FBXO31: variants seen among roughly 807,000 people sequenced by gnomAD.
FBXO31 encodes F-box only protein 31.
In FBXO31, 24 loss-of-function variants were observed where a neutral mutation model predicts 54.4. The observed-to-expected ratio is 0.44, with a 90% CI of 0.32 to 0.62. The LOEUF is 0.62. Ranked by LOEUF, FBXO31 falls within the 20% of genes least tolerant of loss-of-function variation. The pLI is 0.05. For synonymous variants in FBXO31, 388 were observed against 335.6 expected, an observed-to-expected ratio of 1.16 and a Z score of -1.71; for missense variants, 665 against 787.1, an observed-to-expected ratio of 0.84 and a Z score of 1.86.
intron 1 of FBXO31, among the ~76,000 whole-genome samples, chr16:87,373,676 G>T (rs535493209): frequency 6.6e-6 from 1 of 152,080 alleles, no homozygotes; most frequent in African/African-American, 2.4e-5. Flanking sequence ...GGGACTACAG[G>T]TGTGCACCAC....
Position 87,359,874 on chromosome 16 carries a change from G to A in FBXO31, c.412+421C>T, listed in dbSNP as rs116953500. On this transcript the variant is annotated intron_variant, in intron 2 of 8. Coordinates refer to ENST00000311635, the MANE Select transcript of FBXO31 (RefSeq NM_024735.5). ...CTGCTCACAGAATGCTAAAGGGAAG[G>A]AGAACTCTAGCAGGGGGGCTGTTCT... 2.2e-3 allele frequency among the ~76,000 whole-genome samples: 335 copies of A among 152,294 alleles called. 11 individuals carry two copies. The East Asian group carries it at 0.057, about 26-fold the overall frequency.
chr16:87,354,826 G>A (rs1905824210), intron 2 of FBXO31, among the ~76,000 whole-genome samples: 1 of 152,104 alleles, frequency 6.6e-6, no homozygotes. Flanking sequence ...AAAGTAGCTG[G>A]GCATGGTGGC....
chr16:87,347,922 T>C (rs970035634), intron 2 of FBXO31, among the ~76,000 whole-genome samples: 1 of 152,266 alleles, frequency 6.6e-6, no homozygotes, highest in African/African-American at 2.4e-5. Context: ...TTTAAAGCTA[T>C]CCCAACAATG....
chr16:87,349,498 C>T (rs558371026), intron 2 of FBXO31, among the ~76,000 whole-genome samples: 38 of 152,206 alleles, frequency 2.5e-4, no homozygotes, highest in African/African-American at 8.2e-4. Context: ...AGATGGATCA[C>T]GAGGAGTTCG....
intron 1 of FBXO31, among the ~76,000 whole-genome samples, chr16:87,376,618 G>A (rs1906834372): frequency 6.6e-6 from 1 of 152,188 alleles, no homozygotes; most frequent in Admixed American, 6.5e-5. Context: ...GTGAAAAGAA[G>A]AAAATAAACA....
In FBXO31 at chr16:87,338,527, G is replaced by A. The variant is rs557993673; in HGVS notation, c.733-2263C>T. 1.2e-3 allele frequency among the ~76,000 whole-genome samples: 180 copies of A among 152,166 alleles called. No homozygotes were observed. The highest frequency in any genetic ancestry group is 2.0e-3 in the Non-Finnish European group (134 of 67,990). Reference sequence around the variant, plus strand: ...GGGACATGGTGGCTTGCCCTGGCCCGGCACCCATACAGAAAAGGCCAGGTC... The same window carrying A: ...GGGACATGGTGGCTTGCCCTGGCCCAGCACCCATACAGAAAAGGCCAGGTC... On this transcript the variant is annotated intron_variant, in intron 5 of 8. Transcript: ENST00000311635. The surrounding 1 kb of genome is among the most constrained non-coding windows in gnomAD (Gnocchi z 4.3).
At chr16:87,374,605 A>C (rs1906743743) in intron 1 of FBXO31, among the ~76,000 whole-genome samples, 2 of 152,220 alleles carry the variant, frequency 1.3e-5, no homozygotes, top group Admixed American at 1.3e-4. Flanking sequence ...TTAGGCTTAC[A>C]ACAGACAAAA....
rs55874541 is a variant in FBXO31 at position 87,336,877 on chromosome 16, C to G, written c.733-613G>C. 6.6e-6 allele frequency among the ~76,000 whole-genome samples: 1 copy of G among 152,200 alleles called. No individual in the cohort carries two copies. Among genetic ancestry groups the G allele is most frequent in the African/African-American group, 2.4e-5 (1 of 41,434 alleles). The stretch of plus-strand genomic sequence containing the variant: ...CCATCACATGGTGCTGAGGATATTT[C>G]GTGCTTAATGGTTTGATTCTACACA... On this transcript the variant is annotated intron_variant, in intron 5 of 8. Coordinates refer to ENST00000311635, the MANE Select transcript of FBXO31 (RefSeq NM_024735.5). This position sits in a 1 kb window ranked among gnomAD's most constrained non-coding sequence, Gnocchi z 6.5.
chr16:87,360,237 G>A lies in FBXO31; in HGVS notation c.412+58C>T, dbSNP rs1819210627. On this transcript the variant is annotated intron_variant, in intron 2 of 8. Coordinates refer to ENST00000311635, the MANE Select transcript of FBXO31 (RefSeq NM_024735.5). ...CACTTTGATTATTTGTCATTGATGT[G>A]CACTGTCTGCTTCTGGTACAAAGTT... 4 of 1,453,420 alleles carry A rather than the reference G, an allele frequency of 2.8e-6. No homozygotes were observed. The South Asian group carries it at 3.4e-5, about 12-fold the overall frequency. 90.0% of individuals were successfully genotyped at this position (1,453,420 alleles called of 1,614,324 possible). A position where few individuals can be genotyped will look rare whatever the true frequency, so the allele number is the denominator to read the frequency against.
At chr16:87,368,981 T>C (rs1167527779) in intron 1 of FBXO31, among the ~76,000 whole-genome samples, 1 of 152,120 alleles carries the variant, frequency 6.6e-6, no homozygotes, top group Non-Finnish European at 1.5e-5. Context: ...TTTGTATTTT[T>C]AGTAGTGACG....
At chr16:87,372,465 T>C (rs1906643576) in intron 1 of FBXO31, among the ~76,000 whole-genome samples, 1 of 152,222 alleles carries the variant, frequency 6.6e-6, no homozygotes, top group African/African-American at 2.4e-5. Flanking sequence ...GTGTTGCTAC[T>C]GCCTGGACAG....
At chr16:87,357,460 CTGGG>C (rs888131389) in intron 2 of FBXO31, among the ~76,000 whole-genome samples, 11 of 151,788 alleles carry the variant, frequency 7.2e-5, no homozygotes, top group African/African-American at 2.4e-4. Context: ...CTCTGGGTAC[CTGGG>C]ATTACAAGCA....
In FBXO31 at chr16:87,343,780, G is replaced by C. The variant is rs746951686; in HGVS notation, c.490-15C>G. 5.0e-6 allele frequency: 8 copies of C among 1,613,848 alleles called. No individual in the cohort carries two copies. The South Asian group carries it at 8.8e-5, about 18-fold the overall frequency. On this transcript the variant is annotated splice_polypyrimidine_tract_variant and intron_variant, in intron 3 of 8. Transcript: ENST00000311635. ...AGGCCGTCCACCTACAGGAGGAGAT[G>C]GGCAAAGGTCCATGAGTGGCTCCCG...
intron 2 of FBXO31, among the ~76,000 whole-genome samples, chr16:87,353,128 G>T (rs936470423): frequency 1.8e-4 from 28 of 152,280 alleles, no homozygotes; most frequent in Non-Finnish European, 3.5e-4. Context: ...GGCTGCAGGG[G>T]TCCACTCCCC....
intron 1 of FBXO31, among the ~76,000 whole-genome samples, chr16:87,369,056 T>C (rs146238232): frequency 0.019 from 2,948 of 152,302 alleles, 93 homozygotes; most frequent in African/African-American, 0.066. Context: ...CCCAAAGTGC[T>C]AGGAATACAG....
At chr16:87,339,754 G>C (rs1905135617) in intron 5 of FBXO31, among the ~76,000 whole-genome samples, 1 of 152,234 alleles carries the variant, frequency 6.6e-6, no homozygotes, top group Non-Finnish European at 1.5e-5. Context: ...GGATGTTTCT[G>C]GGAAATAGCT....
chr16:87,351,808 G>A (rs969838480), intron 2 of FBXO31, among the ~76,000 whole-genome samples: 8 of 152,190 alleles, frequency 5.3e-5, no homozygotes, highest in Non-Finnish European at 1.2e-4. Context: ...GGCGGAGGTT[G>A]AAGTGAGCCA....
rs1270071990 is a variant in FBXO31, at chr16:87,366,036, CAAAACAAAACAA to C, written c.341-5682_341-5671del. Among the ~76,000 whole-genome samples, 4 of 151,972 alleles carry C rather than the reference CAAAACAAAACAA, an allele frequency of 2.6e-5. No homozygotes were observed. In the South Asian group the frequency reaches 6.2e-4, roughly 24 times the overall value. ...AGTGTGAGACTGCTTCTCAAAAACA[CAAAACAAAACAA>C]AAAACAAATCGGTCAACGTCACCAA... On this transcript the variant is annotated intron_variant, in intron 1 of 8. Coordinates refer to ENST00000311635, the MANE Select transcript of FBXO31 (RefSeq NM_024735.5).
At chr16:87,371,212 G>C (rs1418326587) in intron 1 of FBXO31, among the ~76,000 whole-genome samples, 2 of 152,236 alleles carry the variant, frequency 1.3e-5, no homozygotes, top group African/African-American at 4.8e-5. Flanking sequence ...CACTGAGCCA[G>C]CGTAGCTCCT....
Sources: allele counts gnomAD v4.1 joint callset (sites outside exome capture counted in the v4.1 genomes callset), GRCh38; gene constraint gnomAD v4.1.1; non-coding constraint Gnocchi (gnomAD v3.1); transcripts MANE v1.5; gene names NCBI Gene and HGNC (gene_info 2026-07-23, HGNC 2026-07-21).